Variants in SH3BP2 observed in about 807,000 individuals in gnomAD.
The protein encoded by SH3BP2 is SH3 domain binding protein 2, also known as SH3 domain-binding protein 2.
SH3BP2 carries 38 observed loss-of-function variants against 56.2 expected under a neutral mutation model. The observed-to-expected ratio is 0.68, with a 90% CI of 0.52 to 0.89. The LOEUF is 0.89. SH3BP2 is among the 40% of genes least tolerant of loss of function. SH3BP2 has a pLI of 0.00. For synonymous variants in SH3BP2, 346 were observed against 316.7 expected (o/e 1.09, Z -0.98); for missense variants, 748 against 762.6 (o/e 0.98, Z 0.23).
chr4:2,832,696 A>G (rs1016319053), intron 11 of SH3BP2, among the ~76,000 whole-genome samples: 4 of 152,200 alleles, frequency 2.6e-5, no homozygotes, highest in Non-Finnish European at 2.9e-5. Flanking sequence ...GGGGAACGCC[A>G]GGTCTGCCCG....
intron 8 of SH3BP2, 87 bp downstream of exon 8, chr4:2,830,234 C>T (rs1188348020): frequency 1.5e-6 from 2 of 1,307,952 alleles, no homozygotes; most frequent in African/African-American, 1.5e-5. Context: ...CACCTCGCTC[C>T]CCTGGCACTC....
chr4:2,799,490 G>T (rs1328544980), intron 1 of SH3BP2, among the ~76,000 whole-genome samples: 1 of 152,206 alleles, frequency 6.6e-6, no homozygotes, highest in Non-Finnish European at 1.5e-5. Context: ...TGTGGTCGGG[G>T]TGGCTGTGCC....
intron 1 of SH3BP2, among the ~76,000 whole-genome samples, chr4:2,795,942 G>A (rs1045793886): frequency 3.3e-5 from 5 of 152,182 alleles, no homozygotes; most frequent in African/African-American, 1.2e-4. Context: ...CGTGTGGGCT[G>A]CCTAAGTCCC....
chr4:2,823,567 C>A, intron 3 of SH3BP2: 1 of 455,652 alleles, frequency 2.2e-6, no homozygotes, highest in Non-Finnish European at 4.4e-6. Flanking sequence ...TCTGCACTAA[C>A]AGGCAGGTGG....
At position 2,832,949 on chromosome 4, in the gene SH3BP2, G is replaced by GTT; in HGVS notation, c.1489-39_1489-38dup. 1.9e-6 allele frequency: 3 copies of GTT among 1,606,588 alleles called. No homozygotes were observed. In the South Asian group the frequency reaches 3.3e-5, roughly 18 times the overall value. ...ATGGTCTCCCGAGGCTGGTCCCGCT[G>GTT]TTTCTCAGGGAGCCGTCAGCCTCCC... On this transcript the variant is annotated intron_variant, in intron 11 of 12. Transcript: ENST00000503393.
chr4:2,820,763 TG>T lies in SH3BP2; in HGVS notation c.136+14del. 1.4e-5 allele frequency: 22 copies of T among 1,611,854 alleles called. No homozygotes were observed. The highest frequency in any genetic ancestry group is 1.9e-5 in the Non-Finnish European group (22 of 1,178,820). Reference sequence around the variant, plus strand: ...CTGCAGCTGCTGAAATGTGAGTCCCTGGGGTGGTAGGGTGCACAGTAGGAGG... The same window carrying T: ...CTGCAGCTGCTGAAATGTGAGTCCCTGGGTGGTAGGGTGCACAGTAGGAGG... On this transcript the variant is annotated intron_variant, in intron 2 of 12. Coordinates refer to ENST00000503393, the MANE Select transcript of SH3BP2 (RefSeq NM_001122681.2).
intron 1 of SH3BP2, chr4:2,812,130 A>T (rs1723774024): frequency 7.4e-7 from 1 of 1,360,028 alleles, no homozygotes; most frequent in Non-Finnish European, 9.6e-7. Flanking sequence ...GGAAGGTAGG[A>T]GTTAAAACCC....
chr4:2,827,371 C>T, intron 6 of SH3BP2, 53 bp downstream of exon 6: 2 of 1,499,886 alleles, frequency 1.3e-6, no homozygotes, highest in Middle Eastern at 1.7e-4. Flanking sequence ...ACCTGGCCTC[C>T]TCTTGGCCGC....
chr4:2,820,300 C>T (rs1218812338), intron 1 of SH3BP2, among the ~76,000 whole-genome samples: 1 of 152,182 alleles, frequency 6.6e-6, no homozygotes, highest in East Asian at 1.9e-4. Flanking sequence ...ACCCAGCCCC[C>T]GTGGGGCCTT....
chr4:2,818,741 C>G, intron 1 of SH3BP2: 1 of 989,560 alleles, frequency 1.0e-6, no homozygotes, highest in Non-Finnish European at 1.2e-6. Context: ...GGGGGTCCTG[C>G]GGCTGGGACC....
intron 1 of SH3BP2, chr4:2,815,003 CCA>C (rs1723931910): frequency 6.6e-6 from 1 of 152,322 alleles, no homozygotes; most frequent in Non-Finnish European, 1.5e-5. Flanking sequence ...AGAAGCACAG[CCA>C]GGGAGGCCTG....
rs541585451 is a variant in SH3BP2, at chr4:2,840,360, C to A, written c.*6526C>A. Reference sequence around the variant, plus strand: ...ATTTCATATTTAGGCCTTTAATTCACCTAGATTTGGTTTTTTGCATATGGT... The same window carrying A: ...ATTTCATATTTAGGCCTTTAATTCAACTAGATTTGGTTTTTTGCATATGGT... On this transcript the variant is annotated 3_prime_UTR_variant, in exon 13 of 13. Coordinates refer to ENST00000503393, the MANE Select transcript of SH3BP2 (RefSeq NM_001122681.2). 3.3e-5 allele frequency: 5 copies of A among 151,732 alleles called. No individual in the cohort carries two copies. The highest frequency in any genetic ancestry group is 1.2e-4 in the African/African-American group (5 of 41,298). The allele number at this position is 151,732 out of a possible 1,614,324, so 9.4% of individuals were successfully genotyped here.
intron 1 of SH3BP2, 66 bp from the exon 2 acceptor site, chr4:2,820,548 G>A: frequency 2.5e-6 from 4 of 1,603,934 alleles, no homozygotes; most frequent in South Asian, 2.2e-5. Context: ...GTCCCCCTGA[G>A]CGCCCTGGCT....
At chr4:2,812,505 C>T in intron 1 of SH3BP2, 1 of 1,544,052 alleles carries the variant, frequency 6.5e-7, no homozygotes, top group Non-Finnish European at 8.8e-7. Context: ...AGGACTGGGG[C>T]TCGGGAGGCG....
At position 2,828,747 on chromosome 4, in the gene SH3BP2, C is replaced by A. The variant is rs540005246; in HGVS notation, c.587-746C>A. Among the ~76,000 whole-genome samples, 145 of 152,204 alleles carry A rather than the reference C, an allele frequency of 9.5e-4. 2 individuals carry two copies. The highest frequency in any genetic ancestry group is 2.0e-4 in the Admixed American group (3 of 15,290). On this transcript the variant is annotated intron_variant, in intron 7 of 12. Coordinates refer to ENST00000503393, the MANE Select transcript of SH3BP2 (RefSeq NM_001122681.2). Reference sequence around the variant, plus strand: ...CTCTGTACCCCCTTCATCCTCTCCCCGAGACATTTCTCGTCCAGGACGCCT... The same window carrying A: ...CTCTGTACCCCCTTCATCCTCTCCCAGAGACATTTCTCGTCCAGGACGCCT...
At chr4:2,824,828 C>A in intron 4 of SH3BP2, 98 bp downstream of exon 4, 1 of 954,488 alleles carries the variant, frequency 1.0e-6, no homozygotes, top group Non-Finnish European at 1.7e-6. Flanking sequence ...TCCTGGGGCG[C>A]TGGCCTCTCA....
intron 1 of SH3BP2, chr4:2,818,068 G>A (rs2108721608): frequency 3.7e-6 from 1 of 272,106 alleles, no homozygotes; most frequent in Admixed American, 6.5e-5. Context: ...TTGCAGCGTG[G>A]GGAAACTGAG....
At chr4:2,832,845 A>G in intron 11 of SH3BP2, 145 bp from the exon 12 acceptor site, 1 of 790,374 alleles carries the variant, frequency 1.3e-6, no homozygotes, top group Non-Finnish European at 2.2e-6. Flanking sequence ...GTCCTTGTGC[A>G]GGTGGTCTGG....
At chr4:2,797,895 G>T (rs928308371) in intron 1 of SH3BP2, among the ~76,000 whole-genome samples, 1 of 152,200 alleles carries the variant, frequency 6.6e-6, no homozygotes, top group Non-Finnish European at 1.5e-5. Context: ...AAGGTGGCTT[G>T]TCACTCCCCC....
Sources: allele counts gnomAD v4.1 joint callset (sites outside exome capture counted in the v4.1 genomes callset), GRCh38; gene constraint gnomAD v4.1.1; transcripts MANE v1.5; gene names NCBI Gene and HGNC (gene_info 2026-07-23, HGNC 2026-07-21).